The following TMEM132D variants were observed in gnomAD, a reference collection of about 807,000 sequenced individuals.
TMEM132D encodes the protein mature OL transmembrane protein.
TMEM132D carries 21 observed loss-of-function variants against 62.3 expected under a neutral mutation model. That is an observed-to-expected ratio of 0.34 (90% CI 0.24 to 0.49). The LOEUF (loss-of-function observed/expected upper bound fraction) is 0.49, where lower values mean the gene tolerates loss of function less well. Among genes scored for constraint, TMEM132D ranks in the 20% least tolerant of loss-of-function variants. The probability of loss-of-function intolerance (pLI) is 0.99; values close to 1 mark genes in which losing one functional copy is unlikely to be tolerated. For synonymous variants in TMEM132D, 621 were observed against 575.6 expected (o/e 1.08, Z -1.13); for missense variants, 1,346 against 1,402.8 (o/e 0.96, Z 0.65).
chr12:129,346,807 C>T lies in TMEM132D; in HGVS notation c.1116-8990G>A, dbSNP rs532983803. On this transcript the variant is annotated intron_variant, in intron 3 of 8. Coordinates refer to ENST00000422113, the MANE Select transcript of TMEM132D (RefSeq NM_133448.3). ...TGACATGATTGTATATTTAGAAAACCCCATTGTCTCAGCCCAAAAACTCCT... is the reference window on the plus strand; with the variant it reads ...TGACATGATTGTATATTTAGAAAACTCCATTGTCTCAGCCCAAAAACTCCT... Among the ~76,000 whole-genome samples, 6 of 152,158 alleles carry T rather than the reference C, an allele frequency of 3.9e-5. No homozygotes were observed. In the South Asian group the frequency reaches 1.2e-3, roughly 32 times the overall value.
At chr12:129,209,101 C>A (rs1352538574) in intron 5 of TMEM132D, 1 of 175,386 alleles carries the variant, frequency 5.7e-6, no homozygotes, top group Non-Finnish European at 1.2e-5. Context: ...ATTGATTTTA[C>A]ACGAATGCTG....
chr12:129,230,311 G>C (rs1168515213), intron 4 of TMEM132D, among the ~76,000 whole-genome samples: 1 of 149,530 alleles, frequency 6.7e-6, no homozygotes, highest in Admixed American at 6.7e-5. Flanking sequence ...TGTTGGAGGG[G>C]GGGGGCTCCC....
At position 129,498,446 on chromosome 12, in the gene TMEM132D, G is replaced by T. The variant is rs574632365; in HGVS notation, c.1115+32613C>A. Among the ~76,000 whole-genome samples the T allele has an allele frequency of 2.0e-5, 3 of 152,184 alleles. No homozygotes were observed. The East Asian group carries it at 5.8e-4, about 29-fold the overall frequency. The stretch of plus-strand genomic sequence containing the variant: ...TTTTTGTATTTTTAGTAGACACAGG[G>T]TTTCATCATGTTGGCCAGGCTGGTC... On this transcript the variant is annotated intron_variant, in intron 3 of 8. Transcript: ENST00000422113.
At chr12:129,830,545 T>C (rs1180710870) in intron 1 of TMEM132D, among the ~76,000 whole-genome samples, 5 of 152,152 alleles carry the variant, frequency 3.3e-5, no homozygotes, top group Non-Finnish European at 2.9e-5. Context: ...CTGCTTCCAA[T>C]GTCCCTGCCT....
chr12:129,225,800 T>C (rs1879466606), intron 4 of TMEM132D, among the ~76,000 whole-genome samples: 1 of 152,328 alleles, frequency 6.6e-6, no homozygotes, highest in East Asian at 1.9e-4. Flanking sequence ...CTGCCGTGCC[T>C]TTCAATGCAC....
intron 3 of TMEM132D, among the ~76,000 whole-genome samples, chr12:129,422,051 T>C (rs1388643376): frequency 7.0e-6 from 1 of 142,500 alleles, no homozygotes. Context: ...GTTTCAATTA[T>C]AAAATTCACT....
At chr12:129,342,301 C>T (rs1430887034) in intron 3 of TMEM132D, among the ~76,000 whole-genome samples, 3 of 152,096 alleles carry the variant, frequency 2.0e-5, no homozygotes, top group African/African-American at 7.2e-5. Context: ...TCTTTGAGAA[C>T]CTGATAAAAA....
chr12:129,265,762 T>C (rs1353139496), intron 4 of TMEM132D, among the ~76,000 whole-genome samples: 1 of 151,972 alleles, frequency 6.6e-6, no homozygotes, highest in East Asian at 1.9e-4. Flanking sequence ...GCTCAGTCCC[T>C]CTCTTCCTTC....
chr12:129,736,995 T>A (rs1869448515), intron 1 of TMEM132D, among the ~76,000 whole-genome samples: 1 of 152,030 alleles, frequency 6.6e-6, no homozygotes, highest in African/African-American at 2.4e-5. Context: ...TTTTTGTATT[T>A]TTTGTAGAGA....
intron 2 of TMEM132D, among the ~76,000 whole-genome samples, chr12:129,582,602 T>C (rs1283525523): frequency 6.9e-6 from 1 of 145,648 alleles, no homozygotes; most frequent in African/African-American, 2.6e-5. Context: ...TTGTAAGACG[T>C]GAGACTCATT....
At chr12:129,775,498 A>G (rs1027803800) in intron 1 of TMEM132D, among the ~76,000 whole-genome samples, 4 of 152,182 alleles carry the variant, frequency 2.6e-5, no homozygotes, top group African/African-American at 7.2e-5. Flanking sequence ...GTGTCGCTGC[A>G]GTTTTCGAGG....
intron 5 of TMEM132D, among the ~76,000 whole-genome samples, chr12:129,088,501 C>A (rs1302203163): frequency 2.0e-5 from 1 of 48,854 alleles, no homozygotes; most frequent in Non-Finnish European, 3.5e-5. Flanking sequence ...CCTCCATGAC[C>A]GGGATGTCCT....
At chr12:129,681,928 A>T (rs11060498) in intron 2 of TMEM132D, among the ~76,000 whole-genome samples, 2,791 of 152,258 alleles carry the variant, frequency 0.018, 47 homozygotes, top group East Asian at 0.066. Context: ...TTTTTCACTT[A>T]AAAAAATCAG....
At chr12:129,308,847 G>T (rs1379084081) in intron 4 of TMEM132D, among the ~76,000 whole-genome samples, 1 of 152,194 alleles carries the variant, frequency 6.6e-6, no homozygotes, top group East Asian at 1.9e-4. Flanking sequence ...GTCTTTATCT[G>T]CCTGGAAGAG....
At chr12:129,283,143 AG>A (rs1433486127) in intron 4 of TMEM132D, among the ~76,000 whole-genome samples, 3 of 152,212 alleles carry the variant, frequency 2.0e-5, no homozygotes, top group Non-Finnish European at 4.4e-5. Context: ...TTGGGCATTC[AG>A]GAATCAAATA....
chr12:129,464,499 GC>G (rs1294713361), intron 3 of TMEM132D, among the ~76,000 whole-genome samples: 2 of 152,054 alleles, frequency 1.3e-5, no homozygotes, highest in Non-Finnish European at 2.9e-5. Context: ...GTCAATTTTG[GC>G]TTTTGTTGCC....
At chr12:129,178,410 T>C (rs937886716) in intron 5 of TMEM132D, among the ~76,000 whole-genome samples, 11 of 148,620 alleles carry the variant, frequency 7.4e-5, no homozygotes, top group Admixed American at 2.8e-4. Flanking sequence ...TGTTCCTTTT[T>C]CTCCACAATC....
At chr12:129,890,904 G>A (rs2137393862) in intron 1 of TMEM132D, among the ~76,000 whole-genome samples, 1 of 152,306 alleles carries the variant, frequency 6.6e-6, no homozygotes, top group African/African-American at 2.4e-5. Context: ...GAACCAAATA[G>A]ATCCTAGGAC....
intron 4 of TMEM132D, among the ~76,000 whole-genome samples, chr12:129,264,445 AG>A (rs1485459572): frequency 6.6e-6 from 1 of 152,172 alleles, no homozygotes; most frequent in African/African-American, 2.4e-5. Flanking sequence ...TGCTGTGATC[AG>A]GGAACACTTC....
Sources: gnomAD v4.1 joint callset for allele counts (sites outside exome capture counted in the v4.1 genomes callset) on GRCh38, gnomAD v4.1.1 for gene constraint, MANE v1.5 for transcripts, NCBI Gene and HGNC (gene_info 2026-07-23, HGNC 2026-07-21) for gene names.